The following ZNF880 variants were observed in gnomAD, a reference collection of about 807,000 sequenced individuals.
ZNF880 encodes the protein zinc finger protein LOC400713.
A neutral mutation model predicts 11.8 loss-of-function variants in ZNF880; 12 were observed. The observed-to-expected ratio is 1.02, with a 90% CI of 0.65 to 1.65. ZNF880 has a LOEUF of 1.65. Among genes scored for constraint, ZNF880 ranks in the 40% most tolerant of loss-of-function variants. The probability of loss-of-function intolerance (pLI) is 0.00; values close to 1 mark genes in which losing one functional copy is unlikely to be tolerated. For missense variants in ZNF880, 601 were observed against 673.9 expected (o/e 0.89, Z 1.20); for synonymous variants, 210 against 232.4 (o/e 0.90, Z 0.88).
At chr19:52,395,925 C>A in the ZNF880 span, among the ~76,000 whole-genome samples, 1 of 152,148 alleles carries the variant, frequency 6.6e-6, no homozygotes, top group Non-Finnish European at 1.5e-5. Context: ...GAATGCTGTC[C>A]TGCAGTCTCT....
chr19:52,380,871 G>T (rs2122392295), intron 3 of ZNF880, among the ~76,000 whole-genome samples: 1 of 152,088 alleles, frequency 6.6e-6, no homozygotes, highest in South Asian at 2.1e-4. Flanking sequence ...TGGAGACAGG[G>T]TCTTGCTGTG....
In ZNF880 at chr19:52,384,148, G is replaced by T. The variant is rs374700549; in HGVS notation, c.568G>T (p.Gly190Cys). ...REKPCECNEH[G>C]KAFRVSSRLA... Reference sequence around the variant, plus strand: ...AAAACCGTGTGAATGTAATGAGCATGGCAAAGCCTTTAGAGTGTCTTCAAG... The same window carrying T: ...AAAACCGTGTGAATGTAATGAGCATTGCAAAGCCTTTAGAGTGTCTTCAAG... Residue 190 changes from glycine (G) to cysteine (C), a missense_variant, in exon 4 of 4, where the codon GGC (glycine) becomes TGC (cysteine). Gly to Cys is a radical substitution (Grantham distance 159). Around this residue, in one of 3 missense-constraint regions of ZNF880, gnomAD observed 420 missense variants for 442.6 expected, o/e 0.95. Coordinates refer to ENST00000422689, the MANE Select transcript of ZNF880 (RefSeq NM_001145434.2). 1 of 1,606,148 alleles carries T rather than the reference G, an allele frequency of 6.2e-7. No homozygotes were observed. The highest frequency in any genetic ancestry group is 8.5e-7 in the Non-Finnish European group (1 of 1,175,924).
intron 3 of ZNF880, among the ~76,000 whole-genome samples, chr19:52,380,555 CATCTT>C (rs1332940328): frequency 5.3e-5 from 8 of 151,988 alleles, no homozygotes; most frequent in Non-Finnish European, 5.9e-5. Context: ...TAGATATTAA[CATCTT>C]ATCGGAGGTT....
At chr19:52,372,564 A>G (rs556408115) in intron 1 of ZNF880, among the ~76,000 whole-genome samples, 1 of 148,504 alleles carries the variant, frequency 6.7e-6, no homozygotes, top group Non-Finnish European at 1.5e-5. Flanking sequence ...CTGGGATTAC[A>G]GGTGTGAGCC....
At chr19:52,393,779 T>C in the ZNF880 span, among the ~76,000 whole-genome samples, 1 of 152,124 alleles carries the variant, frequency 6.6e-6, no homozygotes, top group Non-Finnish European at 1.5e-5. Context: ...ATTTGGTAGT[T>C]GTAACATAAC....
intron 3 of ZNF880, chr19:52,379,565 T>A (rs948457221): frequency 8.1e-6 from 3 of 369,800 alleles, no homozygotes; most frequent in Non-Finnish European, 1.6e-5. Flanking sequence ...CTGGCCTCAT[T>A]TTTAATTTTT....
Position 52,384,534 on chromosome 19 carries a change from T to C in ZNF880, c.954T>C (p.His318=), listed in dbSNP as rs879022865. 1 of 1,613,868 alleles carries C rather than the reference T, an allele frequency of 6.2e-7. No homozygotes were observed. Among genetic ancestry groups the C allele is most frequent in the Non-Finnish European group, 8.5e-7 (1 of 1,179,946 alleles). ...NAHLARHQKI[H]SGEKPYKCKE... is the part of the protein sequence containing the mutation. ...ACCTTGCACGACATCAGAAAATTCA[T>C]AGTGGAGAGAAACCTTACAAATGTA... Residue 318 remains histidine, a synonymous_variant, in exon 4 of 4, where the codon CAT becomes CAC. Transcript: ENST00000422689.
the ZNF880 span, among the ~76,000 whole-genome samples, chr19:52,393,405 TTC>T: frequency 3.9e-5 from 5 of 127,148 alleles, no homozygotes; most frequent in Admixed American, 3.7e-4. Context: ...GAAATTTTCT[TTC>T]TTTCTTTTTT....
intron 1 of ZNF880, chr19:52,370,353 C>A: frequency 3.9e-6 from 1 of 258,122 alleles, no homozygotes; most frequent in Non-Finnish European, 7.6e-6. Flanking sequence ...CTTTTCTGTG[C>A]CTTAAATGAG....
Position 52,374,455 on chromosome 19 carries a change from G to A in ZNF880, c.268+28G>A, listed in dbSNP as rs574158252. The A allele has an allele frequency of 4.5e-5, 72 of 1,589,198 alleles. 2 individuals carry two copies. In the East Asian group the frequency reaches 1.4e-3, roughly 31 times the overall value. On this transcript the variant is annotated intron_variant, in intron 3 of 3. Transcript: ENST00000422689. ...AAGAGCTTGGATGGCCAGAGTGGAG[G>A]CCCCATAATTTTTTTTTTTTTTAAA...
chr19:52,397,297 G>A, the ZNF880 span: 1 of 152,076 alleles, frequency 6.6e-6, no homozygotes, highest in African/African-American at 2.4e-5. Context: ...TAAATGAAAA[G>A]TATTTATCTT....
intron 3 of ZNF880, among the ~76,000 whole-genome samples, chr19:52,377,780 A>G (rs1003348304): frequency 6.6e-6 from 1 of 152,052 alleles, no homozygotes; most frequent in African/African-American, 2.4e-5. Context: ...TGGGTGTGCC[A>G]CCCTCCAGGC....
intron 3 of ZNF880, among the ~76,000 whole-genome samples, chr19:52,380,705 C>T (rs1986684451): frequency 6.6e-6 from 1 of 152,106 alleles, no homozygotes; most frequent in African/African-American, 2.4e-5. Flanking sequence ...TAGATATATT[C>T]TTGCTCTTTT....
upstream of ZNF880, chr19:52,367,555 AGTGTGTGT>A (rs144835826): frequency 3.3e-5 from 5 of 151,986 alleles, no homozygotes; most frequent in African/African-American, 1.2e-4. Flanking sequence ...CAGCCAGAAA[AGTGTGTGT>A]GTGTGTATGT....
In ZNF880 at chr19:52,374,364, C is replaced by G. The variant is rs571017913; in HGVS notation, c.205C>G (p.Gln69Glu). ...GCAAAGGAGAGATCCCCGGAATCTG[C>G]AGAGTGAAGTGAAAATAGCAAACAA... The part of the protein sequence containing the change: ...LEQRRDPRNL[Q>E]SEVKIANNPG... Residue 69 changes from glutamine to glutamate, a missense_variant, in exon 3 of 4, where the codon CAG becomes GAG. Gln to Glu is a conservative substitution (Grantham distance 29, BLOSUM62 2). Around this residue, in one of 3 missense-constraint regions of ZNF880, gnomAD observed 420 missense variants for 442.6 expected, o/e 0.95. Transcript: ENST00000422689. 2 of 1,613,412 alleles carry G rather than the reference C, an allele frequency of 1.2e-6. No individual in the cohort carries two copies. Among genetic ancestry groups the G allele is most frequent in the South Asian group, 2.2e-5 (2 of 90,976 alleles).
chr19:52,370,284 A>G (rs1008600649), intron 1 of ZNF880: 9 of 422,166 alleles, frequency 2.1e-5, no homozygotes, highest in African/African-American at 1.2e-4. Flanking sequence ...CTCACCCGCG[A>G]GATGGATCCA....
At position 52,385,329 on chromosome 19, in the gene ZNF880, G is replaced by C; in HGVS notation, c.*15G>C. 1 of 1,547,716 alleles carries C rather than the reference G, an allele frequency of 6.5e-7. No individual in the cohort carries two copies. The highest frequency in any genetic ancestry group is 1.4e-5 in the African/African-American group (1 of 73,052). On this transcript the variant is annotated 3_prime_UTR_variant, in exon 4 of 4. Transcript: ENST00000422689. ...CGTACAGATGAAATGTGTGTGGTAA[G>C]ATCTTTAGTAATAATTCACACCTTG...
chr19:52,369,021 A>AT (rs1406532600), upstream of ZNF880, among the ~76,000 whole-genome samples: 1 of 148,852 alleles, frequency 6.7e-6, no homozygotes, highest in Non-Finnish European at 1.5e-5. Context: ...GAGTATGTCC[A>AT]TAAGACAATG....
chr19:52,394,066 C>G, the ZNF880 span, among the ~76,000 whole-genome samples: 69 of 151,918 alleles, frequency 4.5e-4, no homozygotes, highest in East Asian at 3.5e-3. Flanking sequence ...GTCTCGATCT[C>G]CTGACCTCGT....
Sources: gnomAD v4.1 joint callset for allele counts (sites outside exome capture counted in the v4.1 genomes callset) on GRCh38, gnomAD v4.1.1 for gene constraint, gnomAD v4.1.1 regional missense constraint, MANE v1.5 for transcripts, NCBI Gene and HGNC (gene_info 2026-07-23, HGNC 2026-07-21) for gene names.